Variants in FAT3 observed in about 807,000 individuals in gnomAD.
FAT3 encodes the protein protocadherin Fat 3.
Under a neutral mutation model 310.2 loss-of-function variants are expected in FAT3, and 95 were observed. The observed-to-expected ratio is 0.31, with a 90% confidence interval of 0.26 to 0.36. The LOEUF (loss-of-function observed/expected upper bound fraction) is 0.36. FAT3 is among the 10% of genes least tolerant of loss of function. The probability of loss-of-function intolerance (pLI) is 1.00; values close to 1 mark genes in which losing one functional copy is unlikely to be tolerated. For missense variants in FAT3, 5,408 were observed against 5,715.6 expected, an observed-to-expected ratio of 0.95 and a Z score of 1.74; for synonymous variants, 2,314 against 2,192.9, an observed-to-expected ratio of 1.06 and a Z score of -1.54.
At chr11:92,593,531 T>A (rs182618202) in intron 3 of FAT3, among the ~76,000 whole-genome samples, 4 of 152,092 alleles carry the variant, frequency 2.6e-5, no homozygotes, top group African/African-American at 7.2e-5. Flanking sequence ...GATCCTGAGC[T>A]AAGCTGTACT....
chr11:92,426,851 C>T (rs959048570), intron 2 of FAT3, among the ~76,000 whole-genome samples: 6 of 152,142 alleles, frequency 3.9e-5, no homozygotes, highest in Non-Finnish European at 8.8e-5. Context: ...GTTGTCTTGG[C>T]TATACAGGCT....
At chr11:92,516,478 G>A (rs1009436842) in intron 2 of FAT3, among the ~76,000 whole-genome samples, 5 of 152,056 alleles carry the variant, frequency 3.3e-5, no homozygotes, top group Non-Finnish European at 5.9e-5. Flanking sequence ...AGGTATTGAG[G>A]GAACATATCT....
Position 92,354,639 on chromosome 11 carries a change from A to C in FAT3, c.2527A>C (p.Ser843Arg). ...CAGTTACTCAGTTAACATTCTTGAA[A>C]GTTCAGGCATTGGTACTGAAATCAT... ...QDSYSVNILESSGIGTEIIQV... is the reference protein window; with the variant it reads ...QDSYSVNILERSGIGTEIIQV... Residue 843 changes from serine to arginine, a missense_variant, in exon 2 of 28, where the codon AGT becomes CGT. Coordinates refer to ENST00000525166, the MANE Select transcript of FAT3 (RefSeq NM_001367949.2). The C allele has an allele frequency of 6.2e-7, 1 of 1,613,868 alleles. No homozygotes were observed. The highest frequency in any genetic ancestry group is 8.5e-7 in the Non-Finnish European group (1 of 1,179,866).
At chr11:92,628,427 C>T (rs1941415908) in intron 3 of FAT3, among the ~76,000 whole-genome samples, 1 of 152,192 alleles carries the variant, frequency 6.6e-6, no homozygotes, top group Admixed American at 6.5e-5. Flanking sequence ...ACTCCATTCA[C>T]ATTTGCCCTT....
intron 19 of FAT3, among the ~76,000 whole-genome samples, chr11:92,848,065 A>G (rs1231326410): frequency 6.6e-6 from 1 of 152,186 alleles, no homozygotes; most frequent in East Asian, 1.9e-4. Flanking sequence ...AATTAGCATG[A>G]TAAATAGAGG....
intron 1 of FAT3, among the ~76,000 whole-genome samples, chr11:92,330,074 A>G (rs1372392743): frequency 7.9e-5 from 12 of 152,172 alleles, no homozygotes; most frequent in East Asian, 3.9e-4. Context: ...GACAAACCCA[A>G]AAACAGTTGA....
intron 1 of FAT3, among the ~76,000 whole-genome samples, chr11:92,324,720 A>G (rs191653835): frequency 6.6e-6 from 1 of 152,364 alleles, no homozygotes; most frequent in Admixed American, 6.5e-5. Context: ...TGCTCAAAGC[A>G]GGGTTGCTGC....
chr11:92,265,762 A>C (rs1369079719), intron 1 of FAT3, among the ~76,000 whole-genome samples: 2 of 152,080 alleles, frequency 1.3e-5, no homozygotes, highest in Non-Finnish European at 2.9e-5. Context: ...TAGAAGGGGC[A>C]AGGCAGCTCT....
At position 92,564,362 on chromosome 11, in the gene FAT3, T is replaced by A. The variant is rs571593983; in HGVS notation, c.3607+39414T>A. 9.5e-4 allele frequency among the ~76,000 whole-genome samples: 143 copies of A among 150,602 alleles called. 2 individuals carry two copies. The highest frequency in any genetic ancestry group is 3.4e-3 in the African/African-American group (139 of 40,960). On this transcript the variant is annotated intron_variant, in intron 3 of 27. Transcript: ENST00000525166. ...CTATCCTAAATATATATGCACCCAA[T>A]ACAGGAGCACCCAGATTCATAAAGC...
intron 2 of FAT3, among the ~76,000 whole-genome samples, chr11:92,432,490 T>C (rs1467042855): frequency 6.6e-6 from 1 of 152,194 alleles, no homozygotes; most frequent in African/African-American, 2.4e-5. Flanking sequence ...AGCTTTCTGT[T>C]TGTTAGTTTT....
chr11:92,520,468 G>T (rs1000797801), intron 2 of FAT3, among the ~76,000 whole-genome samples: 2 of 152,004 alleles, frequency 1.3e-5, no homozygotes, highest in African/African-American at 4.8e-5. Context: ...GACATGGACA[G>T]GTTATTGTAT....
chr11:92,528,629 G>A (rs575100549), intron 3 of FAT3, among the ~76,000 whole-genome samples: 4 of 151,552 alleles, frequency 2.6e-5, no homozygotes, highest in East Asian at 2.0e-4. Flanking sequence ...CTCATGATCC[G>A]CCCGCCTTGG....
chr11:92,635,770 C>CT (rs1941745370), intron 3 of FAT3, among the ~76,000 whole-genome samples: 1 of 152,148 alleles, frequency 6.6e-6, no homozygotes, highest in African/African-American at 2.4e-5. Context: ...TACTTACAAT[C>CT]TTTTTGTTAA....
At chr11:92,266,871 C>T (rs1410663607) in intron 1 of FAT3, among the ~76,000 whole-genome samples, 1 of 152,168 alleles carries the variant, frequency 6.6e-6, no homozygotes, top group Non-Finnish European at 1.5e-5. Context: ...CTCTGTGATT[C>T]ATGCTCCATA....
At chr11:92,498,240 C>A in intron 2 of FAT3, 1 of 195,534 alleles carries the variant, frequency 5.1e-6, no homozygotes, top group South Asian at 1.1e-4. Context: ...TCTGCCTTCT[C>A]CATGAAGCTC....
rs1947245701 is a variant in FAT3 at position 92,798,767 on chromosome 11, G to A, written c.5754G>A (p.Leu1918=). The part of the protein sequence containing the change: ...TDPDSEVPPE[L]TYSLMEGSLD... The stretch of plus-strand genomic sequence containing the variant: ...CTGACTCTGAGGTACCCCCTGAACT[G>A]ACATACAGCCTAATGGAAGGCAGTT... Residue 1918 remains leucine, a synonymous_variant, in exon 10 of 28, where the codon CTG becomes CTA. Transcript: ENST00000525166. The A allele has an allele frequency of 6.2e-7, 1 of 1,613,662 alleles. No homozygotes were observed. The highest frequency in any genetic ancestry group is 1.7e-5 in the Admixed American group (1 of 59,984).
intron 2 of FAT3, among the ~76,000 whole-genome samples, chr11:92,487,708 A>G (rs1198103798): frequency 2.0e-5 from 3 of 152,248 alleles, no homozygotes; most frequent in Non-Finnish European, 2.9e-5. Context: ...TAATGGCTCC[A>G]AAGCCCATGC....
chr11:92,433,168 G>T (rs1950836100), intron 2 of FAT3, among the ~76,000 whole-genome samples: 1 of 152,200 alleles, frequency 6.6e-6, no homozygotes. Context: ...TAGTTTGTTG[G>T]CCCCATGGGG....
chr11:92,688,407 T>G (rs1260540420), intron 3 of FAT3, among the ~76,000 whole-genome samples: 1 of 152,046 alleles, frequency 6.6e-6, no homozygotes, highest in Admixed American at 6.6e-5. Flanking sequence ...AAACTAGATA[T>G]TTAGATAAGC....
Sources: gnomAD v4.1 joint callset for allele counts (sites outside exome capture counted in the v4.1 genomes callset) on GRCh38, gnomAD v4.1.1 for gene constraint, MANE v1.5 for transcripts, NCBI Gene and HGNC (gene_info 2026-07-23, HGNC 2026-07-21) for gene names.